The following SLC24A2 variants were observed in gnomAD, a reference collection of about 807,000 sequenced individuals.
SLC24A2 encodes the protein solute carrier family 24 member 2, also known as sodium/potassium/calcium exchanger 2.
Under a neutral mutation model 62.0 loss-of-function variants are expected in SLC24A2, and 36 were observed. The observed-to-expected ratio is 0.58, with a 90% CI of 0.44 to 0.77. The LOEUF (loss-of-function observed/expected upper bound fraction) is 0.77. Among genes scored for constraint, SLC24A2 ranks in the 30% least tolerant of loss-of-function variants. The pLI is 0.00. For missense variants in SLC24A2, 846 were observed against 817.9 expected, an observed-to-expected ratio of 1.03 and a Z score of -0.42; for synonymous variants, 358 against 294.0, an observed-to-expected ratio of 1.22 and a Z score of -2.23.
At chr9:20,173,287 C>T in the SLC24A2 span, among the ~76,000 whole-genome samples, 39 of 152,230 alleles carry the variant, frequency 2.6e-4, no homozygotes, top group African/African-American at 7.0e-4. Flanking sequence ...AAGATGCCCA[C>T]TCTCACCACT....
At chr9:20,100,301 T>A in the SLC24A2 span, among the ~76,000 whole-genome samples, 3 of 152,166 alleles carry the variant, frequency 2.0e-5, no homozygotes, top group Non-Finnish European at 4.4e-5. Context: ...GCTCAAGCCA[T>A]ACACCCACCT....
At chr9:20,183,890 T>C in the SLC24A2 span, among the ~76,000 whole-genome samples, 1 of 152,274 alleles carries the variant, frequency 6.6e-6, no homozygotes, top group South Asian at 2.1e-4. Flanking sequence ...AGAATTTCAC[T>C]GGTGCTAGTT....
At chr9:19,912,733 G>C in the SLC24A2 span, among the ~76,000 whole-genome samples, 1 of 152,084 alleles carries the variant, frequency 6.6e-6, no homozygotes, top group African/African-American at 2.4e-5. Flanking sequence ...TCCAGTGGTG[G>C]ATACTATCCC....
At chr9:19,644,537 C>G (rs1413217783) in intron 2 of SLC24A2, among the ~76,000 whole-genome samples, 1 of 152,160 alleles carries the variant, frequency 6.6e-6, no homozygotes, top group Non-Finnish European at 1.5e-5. Context: ...TGTAAGTGAA[C>G]AAGCTGAGAT....
rs564845136 is a variant in SLC24A2, at chr9:19,555,428, A to G, written c.1348-5160T>C. 3.8e-4 allele frequency among the ~76,000 whole-genome samples: 58 copies of G among 152,308 alleles called. No individual in the cohort carries two copies. The South Asian group carries it at 0.012, about 32-fold the overall frequency. On this transcript the variant is annotated intron_variant, in intron 7 of 10. Transcript: ENST00000341998. ...GAGCCAAATTTGTAACCTGTACCCA[A>G]CAATGACAGTGGTGGATCTGTGCTC...
intron 7 of SLC24A2, among the ~76,000 whole-genome samples, chr9:19,560,916 T>TAG (rs139732950): frequency 4.3e-4 from 51 of 119,448 alleles, no homozygotes; most frequent in Middle Eastern, 4.1e-3. Context: ...TATATATATA[T>TAG]AGAGAGAGAG....
At chr9:19,707,098 CA>C (rs1820552687) in intron 2 of SLC24A2, among the ~76,000 whole-genome samples, 3 of 151,808 alleles carry the variant, frequency 2.0e-5, no homozygotes, top group African/African-American at 7.3e-5. Flanking sequence ...CACAGAAATA[CA>C]AACTACCATC....
intron 2 of SLC24A2, among the ~76,000 whole-genome samples, chr9:19,748,678 TTTTG>T (rs144922245): frequency 0.6 from 90,085 of 150,476 alleles, 27,495 homozygotes; most frequent in East Asian, 0.7. Context: ...TTTTTGATTT[TTTTG>T]TTTGTTTGTT....
chr9:19,859,461 A>G, the SLC24A2 span, among the ~76,000 whole-genome samples: 7 of 152,290 alleles, frequency 4.6e-5, no homozygotes, highest in East Asian at 9.6e-4. Flanking sequence ...CAGTTTACCT[A>G]TGCAACAAAC....
chr9:19,780,012 G>T (rs1023937110), intron 2 of SLC24A2, among the ~76,000 whole-genome samples: 25 of 152,138 alleles, frequency 1.6e-4, no homozygotes, highest in Admixed American at 1.4e-3. Flanking sequence ...CAAGTGAGCC[G>T]AGATCGCACC....
the SLC24A2 span, among the ~76,000 whole-genome samples, chr9:20,265,226 GAC>G: frequency 6.6e-6 from 1 of 152,218 alleles, no homozygotes; most frequent in Non-Finnish European, 1.5e-5. Flanking sequence ...TGGGTGAACA[GAC>G]ACAGTCTACT....
chr9:19,706,635 C>A (rs1173369791), intron 2 of SLC24A2, among the ~76,000 whole-genome samples: 4 of 152,124 alleles, frequency 2.6e-5, no homozygotes, highest in Non-Finnish European at 5.9e-5. Context: ...GTCTCGGCCT[C>A]CCAAAGTGCT....
chr9:19,843,037 C>T, the SLC24A2 span, among the ~76,000 whole-genome samples: 9 of 152,202 alleles, frequency 5.9e-5, no homozygotes, highest in South Asian at 4.1e-4. Context: ...GTATATATCC[C>T]GTGGTAGTGT....
rs1382784434 is a variant in SLC24A2 at position 19,515,823 on chromosome 9, T to G, written c.*330A>C. 1.1e-5 allele frequency: 4 copies of G among 353,968 alleles called. No individual in the cohort carries two copies. Among genetic ancestry groups the G allele is most frequent in the African/African-American group, 8.5e-5 (4 of 47,282 alleles). The allele number at this position is 353,968 out of a possible 1,614,324, so 21.9% of individuals were successfully genotyped here. A position where few individuals can be genotyped will look rare whatever the true frequency, so the allele number is the denominator to read the frequency against. On this transcript the variant is annotated 3_prime_UTR_variant, in exon 11 of 11. Transcript: ENST00000341998. ...TTCATGTGCGTATATTTATAATATG[T>G]GTATTTATAGATATATATAGCCTGT...
At chr9:20,301,063 C>T in the SLC24A2 span, among the ~76,000 whole-genome samples, 26 of 152,186 alleles carry the variant, frequency 1.7e-4, no homozygotes, top group African/African-American at 6.3e-4. Flanking sequence ...ACTGGAGGAG[C>T]TCTTCCTCTA....
the SLC24A2 span, among the ~76,000 whole-genome samples, chr9:20,181,212 ATAAAAATATCTCTC>A: frequency 1.3e-5 from 2 of 152,110 alleles, no homozygotes; most frequent in African/African-American, 4.8e-5. Context: ...TCCTTGGGAA[ATAAAAATATCTCTC>A]TAAGCCTTAG....
intron 2 of SLC24A2, among the ~76,000 whole-genome samples, chr9:19,703,392 G>T (rs572217156): frequency 6.6e-6 from 1 of 152,290 alleles, no homozygotes; most frequent in South Asian, 2.1e-4. Flanking sequence ...TGGAGTGAGA[G>T]GGGTTGCAGA....
chr9:20,165,344 T>C, the SLC24A2 span, among the ~76,000 whole-genome samples: 2 of 151,702 alleles, frequency 1.3e-5, no homozygotes, highest in South Asian at 2.1e-4. Flanking sequence ...ACATATAAAA[T>C]AGCTAGGAAA....
At chr9:19,685,094 C>T (rs1014915989) in intron 2 of SLC24A2, among the ~76,000 whole-genome samples, 4 of 152,022 alleles carry the variant, frequency 2.6e-5, no homozygotes, top group Non-Finnish European at 4.4e-5. Context: ...CTAAAAATCA[C>T]CAGCATTTCT....
Sources: gnomAD v4.1 joint callset for allele counts (sites outside exome capture counted in the v4.1 genomes callset) on GRCh38, gnomAD v4.1.1 for gene constraint, MANE v1.5 for transcripts, NCBI Gene and HGNC (gene_info 2026-07-23, HGNC 2026-07-21) for gene names.